The following GPR137B variants were observed in gnomAD, a reference collection of about 807,000 sequenced individuals.
The protein encoded by GPR137B is integral membrane protein GPR137B.
A neutral mutation model predicts 42.5 loss-of-function variants in GPR137B; 42 were observed. That is an observed-to-expected ratio of 0.99 (90% CI 0.77 to 1.28). The LOEUF (loss-of-function observed/expected upper bound fraction) is 1.28. Among genes scored for constraint, GPR137B ranks in the 50% most tolerant of loss-of-function variants. GPR137B has a pLI of 0.00. For missense variants in GPR137B, 487 were observed against 493.9 expected (o/e 0.99, Z 0.13); for synonymous variants, 218 against 209.7 (o/e 1.04, Z -0.34).
rs1662530027 is a variant in GPR137B, at chr1:236,171,310, C to T, written c.464+2555C>T. On this transcript the variant is annotated intron_variant, in intron 2 of 6. Transcript: ENST00000366592. The surrounding 1 kb of genome is among the most constrained non-coding windows in gnomAD (Gnocchi z 4.4). ...CTGTATAAAGTACAAGTAGACAGTT[C>T]CCTCTCTTCTCCAGTAACAAGATAG... Among the ~76,000 whole-genome samples the T allele has an allele frequency of 6.6e-6, 1 of 152,118 alleles. No individual in the cohort carries two copies. The highest frequency in any genetic ancestry group is 2.4e-5 in the African/African-American group (1 of 41,430).
intron 1 of GPR137B, among the ~76,000 whole-genome samples, chr1:236,144,565 G>A (rs1404101151): frequency 2.6e-5 from 4 of 152,190 alleles, no homozygotes; most frequent in Admixed American, 2.0e-4. Context: ...TTAAAAATGG[G>A]TCTACACTCA....
chr1:236,159,912 G>A (rs901843958), intron 1 of GPR137B, among the ~76,000 whole-genome samples: 4 of 152,200 alleles, frequency 2.6e-5, no homozygotes, highest in Admixed American at 2.0e-4. Flanking sequence ...AAGCCCATGA[G>A]GGCTCTCGAA....
chr1:236,169,333 C>T (rs1662466331), intron 2 of GPR137B, among the ~76,000 whole-genome samples: 1 of 152,242 alleles, frequency 6.6e-6, no homozygotes, highest in Non-Finnish European at 1.5e-5. Context: ...TAGGCTCCGG[C>T]TCCTTGTTTT....
chr1:236,192,857 A>C (rs1663232840), intron 5 of GPR137B, among the ~76,000 whole-genome samples: 1 of 151,892 alleles, frequency 6.6e-6, no homozygotes, highest in Non-Finnish European at 1.5e-5. Flanking sequence ...AGTTTTTCTT[A>C]AATGTTTCCT....
chr1:236,190,150 T>TC (rs1553365671), intron 5 of GPR137B, among the ~76,000 whole-genome samples: 31 of 66,234 alleles, frequency 4.7e-4, no homozygotes, highest in Admixed American at 1.8e-3. Flanking sequence ...TGCTTCTTCT[T>TC]TTTTTTTTTT....
intron 5 of GPR137B, among the ~76,000 whole-genome samples, chr1:236,189,013 A>T (rs941715005): frequency 2.6e-5 from 4 of 152,146 alleles, no homozygotes; most frequent in African/African-American, 9.7e-5. Context: ...TTATTGGTCT[A>T]TTCAGGGATT....
intron 4 of GPR137B, 28 bp downstream of exon 4, chr1:236,180,056 C>T (rs1260552572): frequency 2.5e-6 from 4 of 1,599,568 alleles, no homozygotes; most frequent in Non-Finnish European, 3.4e-6. Context: ...GGAGGTGTCA[C>T]CTGACCAGGG....
At chr1:236,195,461 G>T (rs906909645) in intron 5 of GPR137B, among the ~76,000 whole-genome samples, 1 of 152,036 alleles carries the variant, frequency 6.6e-6, no homozygotes, top group Non-Finnish European at 1.5e-5. Context: ...TGGCTGAGTG[G>T]TACCCCATTC....
intron 5 of GPR137B, among the ~76,000 whole-genome samples, chr1:236,202,857 T>G (rs559404096): frequency 2.6e-5 from 4 of 152,322 alleles, no homozygotes; most frequent in Admixed American, 1.3e-4. Context: ...TAGGTTTAAG[T>G]CTTTAATCCA....
intron 1 of GPR137B, among the ~76,000 whole-genome samples, chr1:236,146,782 C>T (rs1049885984): frequency 2.0e-5 from 3 of 152,204 alleles, no homozygotes; most frequent in Non-Finnish European, 4.4e-5. Context: ...CCCCTAATGA[C>T]CTCTCAGGCA....
At chr1:236,146,615 G>A (rs1425123068) in intron 1 of GPR137B, among the ~76,000 whole-genome samples, 2 of 152,174 alleles carry the variant, frequency 1.3e-5, no homozygotes, top group Non-Finnish European at 2.9e-5. Context: ...ACACTGCCCC[G>A]TCCGAGCCTC....
chr1:236,186,428 G>A (rs1663041703), intron 5 of GPR137B, among the ~76,000 whole-genome samples: 1 of 143,332 alleles, frequency 7.0e-6, no homozygotes, highest in Non-Finnish European at 1.5e-5. Context: ...GTGGTGGTTT[G>A]CTGCACCCAT....
intron 5 of GPR137B, among the ~76,000 whole-genome samples, chr1:236,186,901 T>G (rs1663053401): frequency 6.6e-6 from 1 of 152,190 alleles, no homozygotes; most frequent in Non-Finnish European, 1.5e-5. Context: ...TATTTCTAGT[T>G]CTAGATCCTT....
At chr1:236,178,730 T>G (rs183830347) in intron 3 of GPR137B, 94 bp downstream of exon 3, 152 of 771,184 alleles carry the variant, frequency 2.0e-4, no homozygotes, top group Middle Eastern at 1.1e-3. Context: ...ATTTTAGACT[T>G]GATTTTGCCT....
chr1:236,172,180 G>A (rs1662555781), intron 2 of GPR137B, among the ~76,000 whole-genome samples: 2 of 152,204 alleles, frequency 1.3e-5, no homozygotes, highest in Admixed American at 6.5e-5. Context: ...AATACTAGGA[G>A]TTATTCCTGT....
chr1:236,207,286 C>A (rs1441288055), intron 6 of GPR137B: 2 of 985,162 alleles, frequency 2.0e-6, no homozygotes, highest in Admixed American at 1.2e-4. Context: ...AGAACGTAAG[C>A]TGGAAGCAAG....
rs533980475 is a variant in GPR137B, at chr1:236,183,909, A to G, written c.966+3A>G. 2.8e-5 allele frequency: 45 copies of G among 1,602,500 alleles called. No homozygotes were observed. The South Asian group carries it at 4.7e-4, about 17-fold the overall frequency. ...TTAGAAATCCTACAAAGGACCTTGT[A>G]AGTAAACCATTTTACATTTGTAAGA... On this transcript the variant is annotated splice_donor_region_variant and intron_variant, in intron 5 of 6. Coordinates refer to ENST00000366592, the MANE Select transcript of GPR137B (RefSeq NM_003272.4).
chr1:236,145,046 C>T lies in GPR137B; in HGVS notation c.414+2010C>T, dbSNP rs1359155559. ...ACGGCCCTGTACTCTTTATATCTCC[C>T]AGGTCTGCGGGCACCACAGCAAAGG... On this transcript the variant is annotated intron_variant, in intron 1 of 6. Transcript: ENST00000366592. Among the ~76,000 whole-genome samples, 7 of 152,362 alleles carry T rather than the reference C, an allele frequency of 4.6e-5. No homozygotes were observed. In the East Asian group the frequency reaches 1.3e-3, roughly 29 times the overall value.
chr1:236,151,445 G>C, intron 1 of GPR137B, among the ~76,000 whole-genome samples: 1 of 109,458 alleles, frequency 9.1e-6, no homozygotes, highest in African/African-American at 3.7e-5. Context: ...TTTTTTTTGA[G>C]ACAGAGTCTT....
Sources: gnomAD v4.1 joint callset for allele counts (sites outside exome capture counted in the v4.1 genomes callset) on GRCh38, gnomAD v4.1.1 for gene constraint, Gnocchi (gnomAD v3.1) non-coding constraint, MANE v1.5 for transcripts, NCBI Gene and HGNC (gene_info 2026-07-23, HGNC 2026-07-21) for gene names.